PAPLN: variants seen among roughly 807,000 people sequenced by gnomAD.
PAPLN encodes the protein papilin.
A neutral mutation model predicts 159.0 loss-of-function variants in PAPLN; 146 were observed. That is an observed-to-expected ratio of 0.92 (90% confidence interval 0.80 to 1.05). The LOEUF is 1.05. Ranked by LOEUF, PAPLN falls within the 50% of genes least tolerant of loss-of-function variation. The pLI is 0.00. For missense variants in PAPLN, 1,720 were observed against 1,743.9 expected, an observed-to-expected ratio of 0.99 and a Z score of 0.24; for synonymous variants, 734 against 702.9, an observed-to-expected ratio of 1.04 and a Z score of -0.70.
In PAPLN at chr14:73,245,814, T is replaced by C; in HGVS notation, c.231+118T>C. 1 of 1,305,826 alleles carries C rather than the reference T, an allele frequency of 7.7e-7. No homozygotes were observed. 80.9% of individuals were successfully genotyped at this position (1,305,826 alleles called of 1,614,324 possible). Reference sequence around the variant, plus strand: ...GCTGGGTTGGCCCAGCCTGGGGTCCTCCCGCCAATCCACAGCAGGGCTGCG... The same window carrying C: ...GCTGGGTTGGCCCAGCCTGGGGTCCCCCCGCCAATCCACAGCAGGGCTGCG... On this transcript the variant is annotated intron_variant, in intron 4 of 26. Transcript: ENST00000644200. This position sits in a 1 kb window ranked among gnomAD's most constrained non-coding sequence, Gnocchi z 4.2.
chr14:73,246,063 C>T lies in PAPLN; in HGVS notation c.232-10C>T, dbSNP rs367888637. On this transcript the variant is annotated splice_polypyrimidine_tract_variant and intron_variant, in intron 4 of 26. Coordinates refer to ENST00000644200, the MANE Select transcript of PAPLN (RefSeq NM_001365906.3). ...CCCTCCTGGATCCCGACTTCCCCTC[C>T]GCCCCGCAGAGCTGCCCCGACGGCG... 5.1e-4 allele frequency: 785 copies of T among 1,528,732 alleles called. 3 individuals are homozygous for T. In the African/African-American group the frequency reaches 9.3e-3, roughly 18 times the overall value. The allele number at this position is 1,528,732 out of a possible 1,614,324, so 94.7% of individuals were successfully genotyped here.
At chr14:73,268,254 T>A (rs1376025308) in intron 25 of PAPLN, 1 of 318,652 alleles carries the variant, frequency 3.1e-6, no homozygotes, top group Non-Finnish European at 5.8e-6. Flanking sequence ...TCTGGACTCT[T>A]GAGCTCCAGA....
At chr14:73,251,633 C>G in intron 8 of PAPLN, 31 bp from the exon 9 acceptor site, 1 of 1,613,572 alleles carries the variant, frequency 6.2e-7, no homozygotes. Context: ...ACTGCTCCCT[C>G]TGGCTGACTG....
chr14:73,257,823 GC>G (rs1437047483), intron 14 of PAPLN, among the ~76,000 whole-genome samples: 60 of 141,938 alleles, frequency 4.2e-4, no homozygotes, highest in Non-Finnish European at 5.4e-4. Flanking sequence ...GAGTGCAGTG[GC>G]GCGATCTCGG....
At chr14:73,239,726 C>T in intron 1 of PAPLN, 47 bp from the exon 2 acceptor site, 2 of 1,537,920 alleles carry the variant, frequency 1.3e-6, no homozygotes, top group East Asian at 2.4e-5. Flanking sequence ...GCGCCCAGGA[C>T]AGCTGCGGGA....
chr14:73,246,165 C>G lies in PAPLN; in HGVS notation c.324C>G (p.Pro108=), dbSNP rs755017899. ...EFQGRRYRWL[P]YYSAPNKCEL... is the part of the protein sequence containing the mutation. ...AGGGGCGGCGGTATCGGTGGCTGCC[C>G]TACTACAGCGGTGAGCGCGGCCGGG... The change falls in exon 5 of 27, where the codon CCC becomes CCG. Residue 108 remains proline (P), a synonymous_variant. Coordinates refer to ENST00000644200, the MANE Select transcript of PAPLN (RefSeq NM_001365906.3). The G allele has an allele frequency of 2.5e-6, 4 of 1,586,234 alleles. No homozygotes were observed. Among genetic ancestry groups the G allele is most frequent in the Non-Finnish European group, 2.6e-6 (3 of 1,169,704 alleles).
intron 23 of PAPLN, 38 bp from the exon 24 acceptor site, chr14:73,266,463 C>G (rs995605015): frequency 3.1e-6 from 5 of 1,609,552 alleles, no homozygotes; most frequent in Non-Finnish European, 4.2e-6. Context: ...AGGGGAGGCT[C>G]CTTGGGCTGG....
chr14:73,261,114 C>T, intron 17 of PAPLN, 42 bp from the exon 18 acceptor site: 1 of 1,613,946 alleles, frequency 6.2e-7, no homozygotes, highest in Non-Finnish European at 8.5e-7. Context: ...CAACAATGGC[C>T]AGATCCACTG....
chr14:73,261,119 C>A (rs779604831), intron 17 of PAPLN, 37 bp from the exon 18 acceptor site: 1 of 1,613,836 alleles, frequency 6.2e-7, no homozygotes, highest in Non-Finnish European at 8.5e-7. Context: ...ATGGCCAGAT[C>A]CACTGCCCAC....
At position 73,250,890 on chromosome 14, in the gene PAPLN, C is replaced by T. The variant is rs182898143; in HGVS notation, c.466-17C>T. The stretch of plus-strand genomic sequence containing the variant: ...CCATGATGCCGTCTCCCCTGCCTCC[C>T]GCATCTCTGCCCACAGGTTGTCGGC... On this transcript the variant is annotated splice_polypyrimidine_tract_variant and intron_variant, in intron 6 of 26. Transcript: ENST00000644200. 1.2e-4 allele frequency: 194 copies of T among 1,602,838 alleles called. 1 individual carries two copies. In the African/African-American group the frequency reaches 1.9e-3, roughly 16 times the overall value.
chr14:73,243,087 G>A (rs1179771046), intron 2 of PAPLN: 2 of 152,204 alleles, frequency 1.3e-5, no homozygotes, highest in Non-Finnish European at 2.9e-5. Context: ...CCACCTCCCG[G>A]GTTCAAGCAA....
chr14:73,250,842 A>T, intron 6 of PAPLN, 65 bp from the exon 7 acceptor site: 1 of 1,519,296 alleles, frequency 6.6e-7, no homozygotes, highest in Non-Finnish European at 8.8e-7. Flanking sequence ...TTAGGATGCG[A>T]CGGGGCCCAA....
intron 20 of PAPLN, 87 bp from the exon 21 acceptor site, chr14:73,264,124 C>A: frequency 6.2e-7 from 1 of 1,600,576 alleles, no homozygotes. Context: ...CTCTGGTCCC[C>A]TCTGGCACGA....
At chr14:73,253,290 G>A in intron 11 of PAPLN, 1 of 1,317,950 alleles carries the variant, frequency 7.6e-7, no homozygotes. Flanking sequence ...TGGCCTTGGT[G>A]GCAGCGGGCC....
chr14:73,238,036 T>C (rs551981834), intron 1 of PAPLN, among the ~76,000 whole-genome samples: 10 of 152,198 alleles, frequency 6.6e-5, no homozygotes, highest in African/African-American at 2.2e-4. Context: ...GAACCGCGCC[T>C]CTCCGCCTCG....
chr14:73,239,891 C>A, intron 2 of PAPLN, 59 bp downstream of exon 2: 2 of 1,489,710 alleles, frequency 1.3e-6, no homozygotes, highest in Non-Finnish European at 1.8e-6. Context: ...GGGGCGGGGA[C>A]GCGCGGGCCC....
intron 20 of PAPLN, 148 bp downstream of exon 20, chr14:73,263,930 C>A: frequency 1.6e-6 from 2 of 1,282,530 alleles, no homozygotes; most frequent in Non-Finnish European, 1.1e-6. Context: ...GCCCCCCTAC[C>A]CCCTCTGACA....
chr14:73,260,930 G>T, intron 17 of PAPLN, 101 bp downstream of exon 17: 1 of 1,454,606 alleles, frequency 6.9e-7, no homozygotes, highest in Non-Finnish European at 9.1e-7. Context: ...TCGGAGAAAG[G>T]AGGTCCCTGC....
Position 73,257,753 on chromosome 14 carries a change from CTTTTTTTTTTTT to C in PAPLN, c.1628-1209_1628-1198del, listed in dbSNP as rs562890068. 1.1e-4 allele frequency among the ~76,000 whole-genome samples: 10 copies of C among 91,256 alleles called. No homozygotes were observed. In the East Asian group the frequency reaches 2.9e-3, roughly 27 times the overall value. 59.9% of individuals were successfully genotyped at this position (91,256 alleles called of 152,430 possible). A position where few individuals can be genotyped will look rare whatever the true frequency, so the allele number is the denominator to read the frequency against. On this transcript the variant is annotated intron_variant, in intron 14 of 26. Transcript: ENST00000644200. The stretch of plus-strand genomic sequence containing the variant: ...GTTTTCATTATCTAGTCTCTTTCTT[CTTTTTTTTTTTT>C]TTTTTTTTTTTTTTTTGAGACCTAG...
Sources: allele counts gnomAD v4.1 joint callset (sites outside exome capture counted in the v4.1 genomes callset), GRCh38; gene constraint gnomAD v4.1.1; non-coding constraint Gnocchi (gnomAD v3.1); transcripts MANE v1.5; gene names NCBI Gene and HGNC (gene_info 2026-07-23, HGNC 2026-07-21).